Variants in SEC24D observed in about 807,000 individuals in gnomAD.
The protein encoded by SEC24D is SEC24 homolog D, COPII component, also known as protein transport protein Sec24D.
Under a neutral mutation model 116.9 loss-of-function variants are expected in SEC24D, and 69 were observed. The observed-to-expected ratio is 0.59, with a 90% confidence interval of 0.49 to 0.72. The LOEUF is 0.72. Ranked by LOEUF, SEC24D falls within the 30% of genes least tolerant of loss-of-function variation. The probability of loss-of-function intolerance (pLI) is 0.00; values close to 1 mark genes in which losing one functional copy is unlikely to be tolerated. For synonymous variants in SEC24D, 405 were observed against 442.8 expected, an observed-to-expected ratio of 0.91 and a Z score of 1.07; for missense variants, 1,131 against 1,264.1, an observed-to-expected ratio of 0.89 and a Z score of 1.60.
intron 3 of SEC24D, among the ~76,000 whole-genome samples, chr4:118,822,247 G>A (rs1308362327): frequency 6.6e-6 from 1 of 152,186 alleles, no homozygotes; most frequent in Non-Finnish European, 1.5e-5. Flanking sequence ...GAGGCACACA[G>A]AGGTTAGGTA....
intron 3 of SEC24D, among the ~76,000 whole-genome samples, chr4:118,823,054 C>A (rs1331184477): frequency 6.6e-6 from 1 of 152,180 alleles, no homozygotes; most frequent in Non-Finnish European, 1.5e-5. Context: ...TGAGGACAGG[C>A]ATGGTCAAGG....
At position 118,824,766 on chromosome 4, in the gene SEC24D, T is replaced by A; in HGVS notation, c.119-17A>T. 7 of 1,568,794 alleles carry A rather than the reference T, an allele frequency of 4.5e-6. No individual in the cohort carries two copies. The highest frequency in any genetic ancestry group is 6.0e-6 in the Non-Finnish European group (7 of 1,163,000). ...TCATCATACCTGCAAGAGAGGGGCA[T>A]GAATTTAGAAGTGTATTAAAGTACA... is the stretch of plus-strand genomic sequence containing the variant. On this transcript the variant is annotated splice_polypyrimidine_tract_variant and intron_variant, in intron 2 of 22. Transcript: ENST00000280551.
intron 22 of SEC24D, among the ~76,000 whole-genome samples, chr4:118,726,248 G>A (rs1156699458): frequency 7.2e-5 from 11 of 152,144 alleles, no homozygotes; most frequent in African/African-American, 1.7e-4. Flanking sequence ...TACAACCCTC[G>A]GGGAATACCA....
chr4:118,726,316 A>T (rs1034202821), intron 22 of SEC24D, among the ~76,000 whole-genome samples: 4 of 152,220 alleles, frequency 2.6e-5, no homozygotes, highest in African/African-American at 9.6e-5. Flanking sequence ...CTGAGAAAGA[A>T]GAATCAGGAG....
At chr4:118,815,207 T>A in intron 5 of SEC24D, 52 bp from the exon 6 acceptor site, 1 of 1,603,624 alleles carries the variant, frequency 6.2e-7, no homozygotes, top group African/African-American at 1.3e-5. Context: ...ATCCAGCATG[T>A]AAGACTTGTT....
intron 17 of SEC24D, among the ~76,000 whole-genome samples, 170 bp from the exon 18 acceptor site, chr4:118,739,457 T>A (rs1480446884): frequency 6.6e-6 from 1 of 152,210 alleles, no homozygotes; most frequent in Admixed American, 6.5e-5. Flanking sequence ...ACAGGAAATA[T>A]GGGAGAATAA....
At chr4:118,826,044 T>G (rs2077770458) in intron 2 of SEC24D, among the ~76,000 whole-genome samples, 2 of 151,880 alleles carry the variant, frequency 1.3e-5, no homozygotes, top group Non-Finnish European at 2.9e-5. Flanking sequence ...CCGGTCTTCA[T>G]GAATAATATT....
At chr4:118,779,915 G>T (rs1728319348) in intron 8 of SEC24D, among the ~76,000 whole-genome samples, 1 of 152,106 alleles carries the variant, frequency 6.6e-6, no homozygotes, top group African/African-American at 2.4e-5. Context: ...TATTCCTGAT[G>T]GTAGTTTGTA....
chr4:118,741,121 A>G, intron 15 of SEC24D, 84 bp from the exon 16 acceptor site: 1 of 646,308 alleles, frequency 1.5e-6, no homozygotes, highest in South Asian at 3.0e-5. Context: ...CTGAGTTATA[A>G]TAATTATTTT....
intron 15 of SEC24D, among the ~76,000 whole-genome samples, chr4:118,742,775 A>G (rs1726296107): frequency 6.6e-6 from 1 of 152,140 alleles, no homozygotes; most frequent in Non-Finnish European, 1.5e-5. Context: ...AGGCACACAC[A>G]TTAGAGGTAC....
At chr4:118,792,506 AAAG>A (rs749213015) in intron 8 of SEC24D, among the ~76,000 whole-genome samples, 9 of 152,270 alleles carry the variant, frequency 5.9e-5, no homozygotes, top group Non-Finnish European at 8.8e-5. Flanking sequence ...GTCTGTGTAG[AAAG>A]AAGTAGACAT....
At chr4:118,812,937 A>AGCCT (rs1729980899) in intron 6 of SEC24D, among the ~76,000 whole-genome samples, 1 of 152,110 alleles carries the variant, frequency 6.6e-6, no homozygotes, top group African/African-American at 2.4e-5. Flanking sequence ...GGAGCCCCAC[A>AGCCT]GCCTGCCCAT....
intron 3 of SEC24D, among the ~76,000 whole-genome samples, chr4:118,822,640 C>T (rs368215136): frequency 6.6e-6 from 1 of 152,246 alleles, no homozygotes; most frequent in East Asian, 1.9e-4. Context: ...AGCATGAACA[C>T]AGCTCACTGC....
chr4:118,761,169 C>T (rs1170512414), intron 10 of SEC24D, among the ~76,000 whole-genome samples: 6 of 152,164 alleles, frequency 3.9e-5, no homozygotes, highest in Non-Finnish European at 8.8e-5. Flanking sequence ...ATGCTCAATA[C>T]AGATCACAAT....
intron 15 of SEC24D, among the ~76,000 whole-genome samples, chr4:118,743,152 A>G (rs1726319362): frequency 6.6e-6 from 1 of 152,156 alleles, no homozygotes; most frequent in Non-Finnish European, 1.5e-5. Context: ...ATTGATCCCT[A>G]AAATCCCAAT....
intron 9 of SEC24D, among the ~76,000 whole-genome samples, chr4:118,766,146 AT>A (rs1727633153): frequency 6.6e-6 from 1 of 152,266 alleles, no homozygotes; most frequent in African/African-American, 2.4e-5. Flanking sequence ...GAAATGTAAT[AT>A]GTGAAATGTT....
chr4:118,722,946 T>A lies in SEC24D; in HGVS notation c.*569A>T, dbSNP rs1725221113. 1 of 152,482 alleles carries A rather than the reference T, an allele frequency of 6.6e-6. No homozygotes were observed. The highest frequency in any genetic ancestry group is 2.4e-5 in the African/African-American group (1 of 41,416). The allele number at this position is 152,482 out of a possible 1,614,324, so 9.4% of individuals were successfully genotyped here. On this transcript the variant is annotated 3_prime_UTR_variant, in exon 23 of 23. Transcript: ENST00000280551. ...AAGACAGTTTTACAGACAAAACAACTGGAAAATAGTTTTAACATACACAAT... is the reference window on the plus strand; with the variant it reads ...AAGACAGTTTTACAGACAAAACAACAGGAAAATAGTTTTAACATACACAAT...
chr4:118,802,790 G>A (rs1223104257), intron 7 of SEC24D, among the ~76,000 whole-genome samples: 2 of 152,164 alleles, frequency 1.3e-5, no homozygotes, highest in Non-Finnish European at 2.9e-5. Context: ...ATACTTGTAC[G>A]TAAATATCCA....
At chr4:118,768,808 C>G (rs537716659) in intron 8 of SEC24D, among the ~76,000 whole-genome samples, 80 of 152,284 alleles carry the variant, frequency 5.3e-4, no homozygotes, top group African/African-American at 1.9e-3. Flanking sequence ...AATACCCAAA[C>G]AAAAGTTAAT....
Sources: allele counts gnomAD v4.1 joint callset (sites outside exome capture counted in the v4.1 genomes callset), GRCh38; gene constraint gnomAD v4.1.1; transcripts MANE v1.5; gene names NCBI Gene and HGNC (gene_info 2026-07-23, HGNC 2026-07-21).